The following MGLL variants were observed in gnomAD, a reference collection of about 807,000 sequenced individuals.
MGLL encodes monoglyceride lipase.
A neutral mutation model predicts 29.1 loss-of-function variants in MGLL; 7 were observed. The ratio of observed to expected loss-of-function variants is 0.24; its 90% CI spans 0.14 to 0.45. The LOEUF (loss-of-function observed/expected upper bound fraction) is 0.45. Among genes scored for constraint, MGLL ranks in the 20% least tolerant of loss-of-function variants. The pLI is 0.99. For synonymous variants in MGLL, 148 were observed against 168.3 expected (o/e 0.88, Z 0.93); for missense variants, 356 against 413.6 (o/e 0.86, Z 1.21).
intron 2 of MGLL, among the ~76,000 whole-genome samples, chr3:127,813,025 A>C (rs932766890): frequency 1.3e-5 from 2 of 152,202 alleles, no homozygotes; most frequent in Non-Finnish European, 2.9e-5. Context: ...TAAAGACAGC[A>C]ATTTCCTAAC....
chr3:127,820,762 A>T (rs1038726532), intron 2 of MGLL, among the ~76,000 whole-genome samples: 3 of 152,220 alleles, frequency 2.0e-5, no homozygotes, highest in Non-Finnish European at 4.4e-5. Flanking sequence ...AACACTAGAG[A>T]GAAACCATAG....
chr3:127,766,200 G>A lies in MGLL; in HGVS notation c.262+15589C>T, dbSNP rs1275757332. Among the ~76,000 whole-genome samples the A allele has an allele frequency of 5.9e-5, 9 of 152,040 alleles. No individual in the cohort carries two copies. The South Asian group carries it at 8.3e-4, about 14-fold the overall frequency. ...CCATGCACACTTCTGCCAGAACCCC[G>A]TAATAGCCCCCCACCAACTACTTTT... is the stretch of plus-strand genomic sequence containing the variant. On this transcript the variant is annotated intron_variant, in intron 3 of 7. Coordinates refer to ENST00000265052, the MANE Select transcript of MGLL (RefSeq NM_007283.7).
At chr3:127,795,879 A>C (rs1215982915) in intron 2 of MGLL, among the ~76,000 whole-genome samples, 1 of 152,246 alleles carries the variant, frequency 6.6e-6, no homozygotes, top group Non-Finnish European at 1.5e-5. Context: ...CTTATCACCC[A>C]GTGATAACAA....
At chr3:127,692,663 C>T (rs141984599) in intron 7 of MGLL, among the ~76,000 whole-genome samples, 1 of 152,300 alleles carries the variant, frequency 6.6e-6, no homozygotes, top group East Asian at 1.9e-4. Flanking sequence ...ACATCCTGAC[C>T]TCCACGGGGT....
intron 3 of MGLL, among the ~76,000 whole-genome samples, chr3:127,773,693 C>T (rs1330747771): frequency 2.6e-5 from 4 of 152,202 alleles, no homozygotes; most frequent in Non-Finnish European, 4.4e-5. Flanking sequence ...GCCTTGAGTT[C>T]AGTATGATGC....
chr3:127,728,099 C>G (rs2076080337), intron 3 of MGLL, among the ~76,000 whole-genome samples: 1 of 152,146 alleles, frequency 6.6e-6, no homozygotes. Flanking sequence ...TTCCTTCTTG[C>G]TTTTCAATTT....
chr3:127,726,167 A>G (rs2107631884), intron 3 of MGLL, among the ~76,000 whole-genome samples: 1 of 30,676 alleles, frequency 3.3e-5, no homozygotes, highest in South Asian at 7.3e-4. Context: ...AAAGAAAGAA[A>G]GAAAGAAAGA....
intron 3 of MGLL, among the ~76,000 whole-genome samples, chr3:127,754,328 C>T (rs1241100783): frequency 2.7e-5 from 4 of 150,536 alleles, no homozygotes; most frequent in African/African-American, 9.8e-5. Flanking sequence ...CTGCTGTCAC[C>T]CCCACAACCA....
Position 127,787,497 on chromosome 3 carries a change from C to T in MGLL, c.156-5602G>A, listed in dbSNP as rs756576820. Among the ~76,000 whole-genome samples the T allele has an allele frequency of 2.9e-4, 44 of 152,214 alleles. 1 individual carries two copies. Among genetic ancestry groups the T allele is most frequent in the Non-Finnish European group, 2.9e-4 (20 of 68,032 alleles). On this transcript the variant is annotated intron_variant, in intron 2 of 7. Coordinates refer to ENST00000265052, the MANE Select transcript of MGLL (RefSeq NM_007283.7). The stretch of plus-strand genomic sequence containing the variant: ...ATGCCAGGCTCCCTTAAAGGAAGAA[C>T]GGAATGCCCAGCTGAAGGAACGTTC...
At chr3:127,784,482 G>A (rs1361549714) in intron 2 of MGLL, among the ~76,000 whole-genome samples, 2 of 152,136 alleles carry the variant, frequency 1.3e-5, no homozygotes, top group Admixed American at 1.3e-4. Context: ...CAATCTCCCT[G>A]GGGGGTATGC....
chr3:127,784,634 A>T (rs909135155), intron 2 of MGLL, among the ~76,000 whole-genome samples: 1 of 151,982 alleles, frequency 6.6e-6, no homozygotes, highest in East Asian at 1.9e-4. Context: ...ACAGCCCCAC[A>T]CTTCCACCCC....
intron 3 of MGLL, among the ~76,000 whole-genome samples, chr3:127,750,305 G>C (rs1305674727): frequency 1.3e-5 from 2 of 152,158 alleles, no homozygotes; most frequent in African/African-American, 4.8e-5. Context: ...GGGACACTGG[G>C]CTAGGAACTG....
chr3:127,772,349 T>A (rs1235796485), intron 3 of MGLL, among the ~76,000 whole-genome samples: 1 of 152,184 alleles, frequency 6.6e-6, no homozygotes, highest in Non-Finnish European at 1.5e-5. Flanking sequence ...GCTGGTATTG[T>A]TAGCCCATTT....
At chr3:127,697,196 G>A (rs534560018) in intron 6 of MGLL, among the ~76,000 whole-genome samples, 15 of 152,362 alleles carry the variant, frequency 9.8e-5, no homozygotes, top group Middle Eastern at 6.8e-3. Flanking sequence ...ACCACAGGGG[G>A]TGCTTCCCCA....
chr3:127,745,544 G>A (rs1426869381), intron 3 of MGLL, among the ~76,000 whole-genome samples: 1 of 152,198 alleles, frequency 6.6e-6, no homozygotes, highest in African/African-American at 2.4e-5. Context: ...TGGAGGCGTG[G>A]AAGGATGGGG....
At chr3:127,725,256 G>C in intron 3 of MGLL, among the ~76,000 whole-genome samples, 1 of 152,208 alleles carries the variant, frequency 6.6e-6, no homozygotes. Flanking sequence ...ATCTGGCTGT[G>C]TTTTCTTTTT....
At chr3:127,773,746 C>A (rs897338834) in intron 3 of MGLL, among the ~76,000 whole-genome samples, 1 of 152,206 alleles carries the variant, frequency 6.6e-6, no homozygotes, top group South Asian at 2.1e-4. Context: ...GATGTCGTTA[C>A]AAGGAGACTC....
At chr3:127,766,066 G>A (rs900063371) in intron 3 of MGLL, among the ~76,000 whole-genome samples, 18 of 152,194 alleles carry the variant, frequency 1.2e-4, no homozygotes, top group Non-Finnish European at 2.5e-4. Flanking sequence ...CCAGTTTAAA[G>A]TGAGGTTTAG....
intron 3 of MGLL, among the ~76,000 whole-genome samples, chr3:127,748,619 A>T (rs1356569072): frequency 6.6e-6 from 1 of 151,862 alleles, no homozygotes; most frequent in Non-Finnish European, 1.5e-5. Flanking sequence ...GGGGAGGACC[A>T]TGTGAGGACA....
Sources: allele counts gnomAD v4.1 joint callset (sites outside exome capture counted in the v4.1 genomes callset), GRCh38; gene constraint gnomAD v4.1.1; transcripts MANE v1.5; gene names NCBI Gene and HGNC (gene_info 2026-07-23, HGNC 2026-07-21).